The following HKDC1 variants were observed in gnomAD, a reference collection of about 807,000 sequenced individuals.
The protein encoded by HKDC1 is hexokinase HKDC1.
HKDC1 carries 66 observed loss-of-function variants against 96.6 expected under a neutral mutation model. The ratio of observed to expected loss-of-function variants is 0.68; its 90% CI spans 0.56 to 0.84. The LOEUF is 0.84. HKDC1 is among the 40% of genes least tolerant of loss of function. The pLI, the probability that HKDC1 is intolerant of heterozygous loss-of-function variation, is 0.00. For missense variants in HKDC1, 1,211 were observed against 1,208.1 expected (o/e 1.00, Z -0.04); for synonymous variants, 466 against 473.1 (o/e 0.98, Z 0.20).
chr10:69,248,596 A>C lies in HKDC1; in HGVS notation c.1438A>C (p.Thr480Pro). ...IDRVLALFQL[T>P]REQLVDVQAK... ...CAGGGTGCTGGCTTTGTTCCAGCTG[A>C]CCCGAGAGCAGCTCGTGGACGTGCA... Residue 480 changes from threonine to proline, a missense_variant, in exon 10 of 18, where the codon ACC becomes CCC. Transcript: ENST00000354624. The C allele has an allele frequency of 6.2e-7, 1 of 1,614,068 alleles. No homozygotes were observed. Among genetic ancestry groups the C allele is most frequent in the South Asian group, 1.1e-5 (1 of 91,066 alleles).
intron 12 of HKDC1, among the ~76,000 whole-genome samples, chr10:69,252,643 CAAAAAAAAAAAA>C (rs71471534): frequency 1.5e-5 from 1 of 64,556 alleles, no homozygotes; most frequent in African/African-American, 6.6e-5. Context: ...GACTCTGTCT[CAAAAAAAAAAAA>C]AAAAAAAACT....
At chr10:69,245,570 C>CACTAAT (rs1843526671) in intron 7 of HKDC1, among the ~76,000 whole-genome samples, 2 of 139,390 alleles carry the variant, frequency 1.4e-5, no homozygotes, top group Non-Finnish European at 3.1e-5. Flanking sequence ...ATCCTGTCTC[C>CACTAAT]AATAATAATA....
intron 16 of HKDC1, among the ~76,000 whole-genome samples, chr10:69,264,051 G>T (rs1231569835): frequency 6.6e-6 from 1 of 152,080 alleles, no homozygotes; most frequent in African/African-American, 2.4e-5. Context: ...CCAGCTACTT[G>T]GGAGGCTGAG....
chr10:69,247,370 G>T lies in HKDC1; in HGVS notation c.1042G>T (p.Gly348Cys). ...CTGTCCCCTGGCCAGGTATAAAGAA[G>T]GCCTTGCTAATACAAGAGAGATCCT... Reference protein sequence around the residue: ...HVAAMEKYKEGLANTREILVD... With the variant: ...HVAAMEKYKECLANTREILVD... The change falls in exon 9 of 18, where the codon GGC (glycine) becomes TGC (cysteine). Residue 348 changes from glycine (G) to cysteine (C), a missense_variant. Transcript: ENST00000354624. The T allele has an allele frequency of 6.2e-7, 1 of 1,613,424 alleles. No homozygotes were observed. The highest frequency in any genetic ancestry group is 8.5e-7 in the Non-Finnish European group (1 of 1,179,370).
intron 1 of HKDC1, among the ~76,000 whole-genome samples, chr10:69,220,760 G>A (rs185562239): frequency 6.6e-6 from 1 of 152,324 alleles, no homozygotes; most frequent in Non-Finnish European, 1.5e-5. Context: ...GAGGGTGTTT[G>A]GAAAGCTTGA....
intron 1 of HKDC1, among the ~76,000 whole-genome samples, chr10:69,224,910 G>A (rs561336954): frequency 2.6e-5 from 4 of 152,312 alleles, no homozygotes; most frequent in South Asian, 4.1e-4. Flanking sequence ...TGCCTGGGAC[G>A]TGTGTCCCTG....
intron 1 of HKDC1, 140 bp from the exon 2 acceptor site, chr10:69,227,067 A>T: frequency 1.1e-6 from 1 of 870,980 alleles, no homozygotes; most frequent in Non-Finnish European, 1.8e-6. Flanking sequence ...GGGGTCAGAT[A>T]GGGAGGCTTT....
At position 69,232,858 on chromosome 10, in the gene HKDC1, GGA is replaced by G; in HGVS notation, c.325_326del (p.Gln110ValfsTer7). 1 of 1,614,110 alleles carries G rather than the reference GGA, an allele frequency of 6.2e-7. No homozygotes were observed. ...AAGAGGGGAAGCGACACGTGCAGAT[GGA>G]GAGTCAGTTCTACCCAACGCCCAAT... ...AEEGKRHVQM[E>X]SQFYPTPNEI... is the part of the protein sequence containing the mutation. On this transcript the variant is annotated frameshift_variant, in exon 3 of 18. Coordinates refer to ENST00000354624, the MANE Select transcript of HKDC1 (RefSeq NM_025130.4). LOFTEE classifies it high-confidence loss of function.
At chr10:69,259,234 A>G (rs1843771044) in intron 15 of HKDC1, among the ~76,000 whole-genome samples, 1 of 152,206 alleles carries the variant, frequency 6.6e-6, no homozygotes, top group South Asian at 2.1e-4. Flanking sequence ...CACCAAGGGC[A>G]TGGTAACTCA....
rs923687941 is a variant in HKDC1 at position 69,248,640 on chromosome 10, G to A, written c.1482G>A (p.Glu494=). The A allele has an allele frequency of 2.5e-6, 4 of 1,614,188 alleles. No homozygotes were observed. Among genetic ancestry groups the A allele is most frequent in the Non-Finnish European group, 2.5e-6 (3 of 1,180,040 alleles). The change falls in exon 10 of 18, where the codon GAG becomes GAA. Residue 494 remains glutamate, a synonymous_variant. Transcript: ENST00000354624. ...ACGTGCAGGCCAAGATGCGGGCTGA[G>A]CTGGAGTATGGGCTGAAGAAGAAGA... ...LVDVQAKMRA[E]LEYGLKKKSH...
Position 69,257,153 on chromosome 10 carries a change from C to T in HKDC1, c.1932+22C>T, listed in dbSNP as rs560414838. The T allele has an allele frequency of 3.8e-5, 60 of 1,596,912 alleles. 1 individual carries two copies. The South Asian group carries it at 4.2e-4, about 11-fold the overall frequency. ...AAACGTAGGATGTGGTGTTGAGGCT[C>T]ATGCCTGCTCTTGCTGCCTTCCCCA... On this transcript the variant is annotated intron_variant, in intron 13 of 17. Coordinates refer to ENST00000354624, the MANE Select transcript of HKDC1 (RefSeq NM_025130.4).
At position 69,250,521 on chromosome 10, in the gene HKDC1, C is replaced by T. The variant is rs751771708; in HGVS notation, c.1717-12C>T. 6.2e-7 allele frequency: 1 copy of T among 1,613,954 alleles called. No individual in the cohort carries two copies. The highest frequency in any genetic ancestry group is 1.7e-5 in the Admixed American group (1 of 59,998). On this transcript the variant is annotated splice_polypyrimidine_tract_variant and intron_variant, in intron 11 of 17. Coordinates refer to ENST00000354624, the MANE Select transcript of HKDC1 (RefSeq NM_025130.4). ...CCGCCTGGTGTGAATGCCGCTCTCT[C>T]TCTCTCTGCAGCTCTTTGATCACAT...
At chr10:69,261,013 G>A in intron 15 of HKDC1, 126 bp from the exon 16 acceptor site, 1 of 764,130 alleles carries the variant, frequency 1.3e-6, no homozygotes, top group East Asian at 2.6e-5. Context: ...ACATCAAGCA[G>A]CTAGTATGTG....
In HKDC1 at chr10:69,220,506, G is replaced by T. The variant is rs1172656694; in HGVS notation, c.63+8G>T. On this transcript the variant is annotated splice_region_variant and intron_variant, in intron 1 of 17. Transcript: ENST00000354624. ...GAGGACCAGATCAAGAAGGTAAGGAGGACCCACGAAGCTGAGAGATGCCCA... is the reference window on the plus strand; with the variant it reads ...GAGGACCAGATCAAGAAGGTAAGGATGACCCACGAAGCTGAGAGATGCCCA... 2 of 1,578,838 alleles carry T rather than the reference G, an allele frequency of 1.3e-6. No homozygotes were observed. Among genetic ancestry groups the T allele is most frequent in the African/African-American group, 2.7e-5 (2 of 73,116 alleles).
intron 6 of HKDC1, among the ~76,000 whole-genome samples, chr10:69,242,444 A>AAC (rs2132352045): frequency 6.6e-6 from 1 of 151,598 alleles, no homozygotes; most frequent in East Asian, 1.9e-4. Context: ...AAAAAAAAAA[A>AAC]AAAAAACCCG....
Position 69,232,807 on chromosome 10 carries a change from C to T in HKDC1, c.270C>T (p.Phe90=). ...FLSLDLGGSK[F]RVLKVQVAEE... ...CCCTGGATCTCGGAGGGTCCAAGTT[C>T]CGAGTGCTGAAGGTGCAAGTCGCTG... The change falls in exon 3 of 18, where the codon TTC becomes TTT. Residue 90 remains phenylalanine (F), a synonymous_variant. Coordinates refer to ENST00000354624, the MANE Select transcript of HKDC1 (RefSeq NM_025130.4). 1 of 1,614,106 alleles carries T rather than the reference C, an allele frequency of 6.2e-7. No individual in the cohort carries two copies.
intron 2 of HKDC1, among the ~76,000 whole-genome samples, chr10:69,228,852 C>A (rs182458583): frequency 1.4e-5 from 2 of 139,210 alleles, no homozygotes; most frequent in African/African-American, 5.4e-5. Flanking sequence ...GGTGACAGAG[C>A]GAGACGCCAT....
At chr10:69,250,475 C>A in intron 11 of HKDC1, 40 bp downstream of exon 11, 1 of 1,611,788 alleles carries the variant, frequency 6.2e-7, no homozygotes, top group Non-Finnish European at 8.5e-7. Context: ...GAGGTGCCAG[C>A]CTGCCACCCT....
chr10:69,220,563 T>A, intron 1 of HKDC1, 65 bp downstream of exon 1: 6 of 1,083,362 alleles, frequency 5.5e-6, no homozygotes, highest in Non-Finnish European at 7.7e-6. Flanking sequence ...CTGATTCCCT[T>A]AAAAAAAAAA....
Sources: allele counts gnomAD v4.1 joint callset (sites outside exome capture counted in the v4.1 genomes callset), GRCh38; gene constraint gnomAD v4.1.1; transcripts MANE v1.5; gene names NCBI Gene and HGNC (gene_info 2026-07-23, HGNC 2026-07-21).